The following LRFN2 variants were observed in gnomAD, a reference collection of about 807,000 sequenced individuals.
The protein encoded by LRFN2 is leucine-rich repeat and fibronectin type-III domain-containing protein 2.
In LRFN2, 18 loss-of-function variants were observed where a neutral mutation model predicts 37.3. The ratio of observed to expected loss-of-function variants is 0.48; its 90% CI spans 0.33 to 0.72. The LOEUF (loss-of-function observed/expected upper bound fraction) is 0.72. Among genes scored for constraint, LRFN2 ranks in the 30% least tolerant of loss-of-function variants. The pLI is 0.02. For synonymous variants in LRFN2, 556 were observed against 466.6 expected (o/e 1.19, Z -2.47); for missense variants, 1,006 against 1,060.7 (o/e 0.95, Z 0.72).
chr6:40,392,388 A>T lies in LRFN2; in HGVS notation c.1925T>A (p.Ile642Asn). 6.3e-7 allele frequency: 1 copy of T among 1,585,908 alleles called. No homozygotes were observed. Among genetic ancestry groups the T allele is most frequent in the Non-Finnish European group, 8.6e-7 (1 of 1,166,448 alleles). Residue 642 changes from isoleucine to asparagine, a missense_variant, in exon 3 of 3, where the codon ATC becomes AAC. Ile to Asn is a moderately radical substitution (Grantham distance 149). This residue lies in a region of LRFN2 where 398 missense variants were observed against 327.6 expected (regional missense o/e 1.21). Transcript: ENST00000338305. This position sits in a 1 kb window ranked among gnomAD's most constrained non-coding sequence, Gnocchi z 4.7. ...CTTGGGGCGCGGGGCGGAGGGTGGG[A>T]TCCTCCAGGGGGCCCGTCCCAGCCC... ...AAGLGRAPWRIPPSAPRPKPS... is the reference protein window; with the variant it reads ...AAGLGRAPWRNPPSAPRPKPS...
At chr6:40,444,090 T>C (rs1409968524) in intron 1 of LRFN2, among the ~76,000 whole-genome samples, 1 of 152,168 alleles carries the variant, frequency 6.6e-6, no homozygotes, top group African/African-American at 2.4e-5. Context: ...TTGCATGTAG[T>C]TGCCCGCACA....
intron 1 of LRFN2, among the ~76,000 whole-genome samples, chr6:40,568,659 A>C (rs972468045): frequency 6.6e-6 from 1 of 151,354 alleles, no homozygotes; most frequent in African/African-American, 2.4e-5. Flanking sequence ...TCCCAGTGTC[A>C]CTGGGTTACT....
intron 2 of LRFN2, among the ~76,000 whole-genome samples, chr6:40,422,625 C>T (rs114035760): frequency 1.7e-4 from 26 of 152,260 alleles, no homozygotes; most frequent in South Asian, 8.3e-4. Context: ...AATACGCACA[C>T]GCCTGGGAAA....
chr6:40,410,754 C>T (rs912068593), intron 2 of LRFN2, among the ~76,000 whole-genome samples: 2 of 152,166 alleles, frequency 1.3e-5, no homozygotes, highest in African/African-American at 2.4e-5. Context: ...GAAGATGAGC[C>T]GCCTGAGGGC....
At chr6:40,427,902 G>A (rs535731571) in intron 2 of LRFN2, among the ~76,000 whole-genome samples, 2 of 152,262 alleles carry the variant, frequency 1.3e-5, no homozygotes, top group African/African-American at 2.4e-5. Flanking sequence ...ACTCATAGAC[G>A]GCACTGTGAT....
intron 2 of LRFN2, among the ~76,000 whole-genome samples, chr6:40,393,555 A>G (rs1053044590): frequency 6.6e-6 from 1 of 152,092 alleles, no homozygotes; most frequent in African/African-American, 2.4e-5. Flanking sequence ...ACAGAGAGGC[A>G]GAGAGGTTAA....
chr6:40,582,192 C>T (rs1249853466), intron 1 of LRFN2, among the ~76,000 whole-genome samples: 4 of 152,034 alleles, frequency 2.6e-5, no homozygotes, highest in Admixed American at 1.3e-4. Context: ...GGGAGAGGAC[C>T]CAGGCAGGAA....
chr6:40,407,143 G>A (rs577628829), intron 2 of LRFN2, among the ~76,000 whole-genome samples: 16 of 152,328 alleles, frequency 1.1e-4, no homozygotes, highest in African/African-American at 3.8e-4. Context: ...GCCAACCCAG[G>A]CAAGCTCTTG....
At position 40,432,615 on chromosome 6, in the gene LRFN2, C is replaced by T; in HGVS notation, c.499G>A (p.Asp167Asn). ...AGGTTGACCATGCGTCGCACGGAGT[C>T]CCACGGCAGGCCATGGAGGTTGTTG... ...SYNNLHGLPW[D>N]SVRRMVNLHQ... Residue 167 changes from aspartate (D) to asparagine (N), a missense_variant, in exon 2 of 3, where the codon GAC (aspartate) becomes AAC (asparagine). Physicochemically the swap from Asp to Asn is conservative, Grantham distance 23. Coordinates refer to ENST00000338305, the MANE Select transcript of LRFN2 (RefSeq NM_020737.3). 2 of 1,614,218 alleles carry T rather than the reference C, an allele frequency of 1.2e-6. No individual in the cohort carries two copies. The highest frequency in any genetic ancestry group is 1.7e-6 in the Non-Finnish European group (2 of 1,180,046).
At chr6:40,549,590 A>G (rs370529908) in intron 1 of LRFN2, among the ~76,000 whole-genome samples, 110 of 152,360 alleles carry the variant, frequency 7.2e-4, no homozygotes, top group African/African-American at 2.6e-3. Flanking sequence ...CTATAATCCA[A>G]ATTTCCTGAG....
At chr6:40,394,596 C>T (rs1762576295) in intron 2 of LRFN2, among the ~76,000 whole-genome samples, 1 of 152,208 alleles carries the variant, frequency 6.6e-6, no homozygotes, top group South Asian at 2.1e-4. Flanking sequence ...ACCTGCCCAC[C>T]TGCTCTTTTG....
intron 1 of LRFN2, among the ~76,000 whole-genome samples, chr6:40,530,824 C>T (rs992596532): frequency 1.8e-4 from 28 of 152,128 alleles, no homozygotes; most frequent in African/African-American, 6.5e-4. Flanking sequence ...CTAACAGGCA[C>T]CTTGGCCTCA....
At chr6:40,556,658 GTCTCTC>G (rs60167160) in intron 1 of LRFN2, among the ~76,000 whole-genome samples, 62,485 of 138,970 alleles carry the variant, frequency 0.45, 14,340 homozygotes, top group African/African-American at 0.59. Context: ...TTAGAACCAG[GTCTCTC>G]TCTCTCTCTC....
At position 40,432,294 on chromosome 6, in the gene LRFN2, G is replaced by A. The variant is rs372798702; in HGVS notation, c.820C>T (p.Arg274Cys). Residue 274 changes from arginine (R) to cysteine (C), a missense_variant, in exon 2 of 3, where the codon CGC (arginine) becomes TGC (cysteine). Around this residue, in one of 4 missense-constraint regions of LRFN2, gnomAD observed 303 missense variants for 299.8 expected, o/e 1.01. Coordinates refer to ENST00000338305, the MANE Select transcript of LRFN2 (RefSeq NM_020737.3). ...TCCTCACGCACATGCCAGAAGTAGC[G>A]ACCCTTGAGGCCCCCTGGGGAGCCA... ...TCGSPGGLKG[R>C]YFWHVREEEF... The A allele has an allele frequency of 8.7e-6, 14 of 1,613,972 alleles. No individual in the cohort carries two copies. Among genetic ancestry groups the A allele is most frequent in the East Asian group, 2.2e-5 (1 of 44,890 alleles).
chr6:40,421,281 G>T (rs559371976), intron 2 of LRFN2, among the ~76,000 whole-genome samples: 1 of 152,206 alleles, frequency 6.6e-6, no homozygotes, highest in South Asian at 2.1e-4. Flanking sequence ...CATTTAGAAA[G>T]TTTATTTTGC....
intron 1 of LRFN2, among the ~76,000 whole-genome samples, chr6:40,551,882 G>A (rs1766783116): frequency 6.6e-6 from 1 of 152,086 alleles, no homozygotes; most frequent in South Asian, 2.1e-4. Context: ...AAAGATCAGC[G>A]GTAGAAGGAA....
chr6:40,555,317 C>G (rs445735), intron 1 of LRFN2, among the ~76,000 whole-genome samples: 14,407 of 152,170 alleles, frequency 0.095, 807 homozygotes, highest in Non-Finnish European at 0.12. Flanking sequence ...CTGAGGGTTG[C>G]GGTGGGGAGG....
At chr6:40,418,956 A>C (rs1176517072) in intron 2 of LRFN2, among the ~76,000 whole-genome samples, 1 of 152,190 alleles carries the variant, frequency 6.6e-6, no homozygotes, top group Non-Finnish European at 1.5e-5. Context: ...TAAAGTCCCA[A>C]GACCAGCAGC....
intron 1 of LRFN2, among the ~76,000 whole-genome samples, chr6:40,529,680 G>A (rs1453555058): frequency 6.6e-6 from 1 of 152,138 alleles, no homozygotes; most frequent in African/African-American, 2.4e-5. Flanking sequence ...GAGCTGTCTG[G>A]GTTCAAATCC....
Sources: allele counts gnomAD v4.1 joint callset (sites outside exome capture counted in the v4.1 genomes callset), GRCh38; gene constraint gnomAD v4.1.1; regional missense constraint gnomAD v4.1.1; non-coding constraint Gnocchi (gnomAD v3.1); transcripts MANE v1.5; gene names NCBI Gene and HGNC (gene_info 2026-07-23, HGNC 2026-07-21).